The following TSHZ2 variants were observed in gnomAD, a reference collection of about 807,000 sequenced individuals.
The protein encoded by TSHZ2 is teashirt zinc finger homeobox 2.
In TSHZ2, 21 loss-of-function variants were observed where a neutral mutation model predicts 74.4. That is an observed-to-expected ratio of 0.28 (90% CI 0.20 to 0.41). The LOEUF (loss-of-function observed/expected upper bound fraction) is 0.41, where lower values mean the gene tolerates loss of function less well. Among genes scored for constraint, TSHZ2 ranks in the 10% least tolerant of loss-of-function variants. The pLI is 1.00. For synonymous variants in TSHZ2, 540 were observed against 515.3 expected, an observed-to-expected ratio of 1.05 and a Z score of -0.65; for missense variants, 1,244 against 1,293.5, an observed-to-expected ratio of 0.96 and a Z score of 0.59.
chr20:53,153,075 C>A (rs78995398), intron 1 of TSHZ2, among the ~76,000 whole-genome samples: 2 of 152,274 alleles, frequency 1.3e-5, no homozygotes, highest in Non-Finnish European at 2.9e-5. Context: ...CTCAGAATGC[C>A]TTTTCAAAAA....
At position 53,257,159 on chromosome 20, in the gene TSHZ2, T is replaced by C. The variant is rs546212650; in HGVS notation, c.*8+588T>C. 3.3e-5 allele frequency among the ~76,000 whole-genome samples: 5 copies of C among 152,376 alleles called. No individual in the cohort carries two copies. The East Asian group carries it at 9.6e-4, about 29-fold the overall frequency. Reference sequence around the variant, plus strand: ...ACCTTCCACCTCTTCCCTTTGGTTATTTTCTACATTAAGTGTCCTATGAAT... The same window carrying C: ...ACCTTCCACCTCTTCCCTTTGGTTACTTTCTACATTAAGTGTCCTATGAAT... On this transcript the variant is annotated intron_variant, in intron 2 of 2. Transcript: ENST00000371497.
intron 1 of TSHZ2, among the ~76,000 whole-genome samples, chr20:53,240,717 TA>T (rs1272168016): frequency 1.5e-4 from 20 of 134,996 alleles, no homozygotes; most frequent in South Asian, 9.9e-4. Flanking sequence ...AATAGATAGA[TA>T]GATGATAGAT....
intron 1 of TSHZ2, among the ~76,000 whole-genome samples, chr20:53,091,194 T>C (rs1241993794): frequency 6.6e-6 from 1 of 152,258 alleles, no homozygotes; most frequent in Non-Finnish European, 1.5e-5. Flanking sequence ...ATGTCAGTTG[T>C]GATAGAAAAT....
In TSHZ2 at chr20:52,992,173, G is replaced by A. The variant is rs146158786; in HGVS notation, c.40+18840G>A. 7.2e-4 allele frequency among the ~76,000 whole-genome samples: 110 copies of A among 152,232 alleles called. 1 individual carries two copies. The highest frequency in any genetic ancestry group is 2.4e-3 in the African/African-American group (101 of 41,536). ...TCCTCTCCATGCCACATGTTCTATC[G>A]TGTCAGGGATTCATCTTAGGAATTG... On this transcript the variant is annotated intron_variant, in intron 1 of 2. Coordinates refer to ENST00000371497, the MANE Select transcript of TSHZ2 (RefSeq NM_173485.6).
chr20:53,261,852 T>C lies in TSHZ2; in HGVS notation c.*8+5281T>C, dbSNP rs1033114034. ...ATATTTTTTATATGGATTTATGTCT[T>C]TAAAATACATTTGTGTAATTCTTCA... is the stretch of plus-strand genomic sequence containing the variant. On this transcript the variant is annotated intron_variant, in intron 2 of 2. Transcript: ENST00000371497. Among the ~76,000 whole-genome samples the C allele has an allele frequency of 4.2e-4, 64 of 152,248 alleles. 1 individual carries two copies. The highest frequency in any genetic ancestry group is 4.1e-3 in the Admixed American group (63 of 15,278).
At chr20:53,212,033 C>G (rs1259485248) in intron 1 of TSHZ2, among the ~76,000 whole-genome samples, 1 of 152,148 alleles carries the variant, frequency 6.6e-6, no homozygotes, top group African/African-American at 2.4e-5. Context: ...AAGTTTCAAT[C>G]ATATCGAAGT....
At position 52,973,034 on chromosome 20, in the gene TSHZ2, A is replaced by G. The variant is rs1418120157; in HGVS notation, c.-260A>G. 1 of 409,460 alleles carries G rather than the reference A, an allele frequency of 2.4e-6. No individual in the cohort carries two copies. Among genetic ancestry groups the G allele is most frequent in the East Asian group, 3.6e-5 (1 of 27,960 alleles). The allele number at this position is 409,460 out of a possible 1,614,324, so 25.4% of individuals were successfully genotyped here. ...AGAGGAAAAAAAATTCAAAATAAAC[A>G]AACAAACAAACAAGGCAGAACCAAC... On this transcript the variant is annotated 5_prime_UTR_variant, in exon 1 of 3. Transcript: ENST00000371497.
chr20:53,201,177 A>G (rs1016123), intron 1 of TSHZ2, among the ~76,000 whole-genome samples: 62,471 of 152,046 alleles, frequency 0.41, 15,540 homozygotes, highest in African/African-American at 0.71. Context: ...ACATTTGTAA[A>G]GGTTATTCAT....
At chr20:52,986,245 A>C (rs930124771) in intron 1 of TSHZ2, among the ~76,000 whole-genome samples, 11 of 151,720 alleles carry the variant, frequency 7.3e-5, no homozygotes, top group African/African-American at 1.9e-4. Flanking sequence ...CAGAAAAAAA[A>C]AAAATTAGCC....
intron 1 of TSHZ2, among the ~76,000 whole-genome samples, chr20:53,099,776 A>G (rs1024209045): frequency 6.6e-6 from 1 of 152,170 alleles, no homozygotes; most frequent in Non-Finnish European, 1.5e-5. Context: ...GTATGGGGGA[A>G]ACTGCCCCCA....
chr20:53,155,195 T>G (rs1411611236), intron 1 of TSHZ2, among the ~76,000 whole-genome samples: 1 of 151,922 alleles, frequency 6.6e-6, no homozygotes, highest in Non-Finnish European at 1.5e-5. Flanking sequence ...GGACCCTCCC[T>G]ATGAAGTATT....
intron 1 of TSHZ2, among the ~76,000 whole-genome samples, chr20:53,199,910 A>G (rs1402400126): frequency 3.9e-5 from 6 of 152,346 alleles, no homozygotes; most frequent in African/African-American, 7.2e-5. Flanking sequence ...TGTGAGGAGT[A>G]AATGTGTATA....
chr20:53,050,150 T>TACAC (rs1984400724), intron 1 of TSHZ2, among the ~76,000 whole-genome samples: 1 of 93,928 alleles, frequency 1.1e-5, no homozygotes, highest in East Asian at 5.2e-4. Flanking sequence ...TGTATATATA[T>TACAC]ATACACATAT....
At chr20:52,987,444 A>ACTCTTTCTCTCTCCTCTCTCTCT (rs576795933) in intron 1 of TSHZ2, among the ~76,000 whole-genome samples, 7 of 150,300 alleles carry the variant, frequency 4.7e-5, no homozygotes, top group African/African-American at 1.5e-4. Flanking sequence ...CTTTTTTTAT[A>ACTCTTTCTCTCTCCTCTCTCTCT]CTCTTTCTCT....
intron 1 of TSHZ2, among the ~76,000 whole-genome samples, chr20:53,142,325 G>A (rs530898360): frequency 2.5e-4 from 38 of 152,266 alleles, no homozygotes; most frequent in Admixed American, 1.9e-3. Flanking sequence ...CAGGGCTTCC[G>A]GTTCAGACCG....
At chr20:52,988,481 C>T (rs1452235312) in intron 1 of TSHZ2, among the ~76,000 whole-genome samples, 1 of 151,880 alleles carries the variant, frequency 6.6e-6, no homozygotes, top group African/African-American at 2.4e-5. Flanking sequence ...TGCTTAACAG[C>T]ACAGACTCAC....
At chr20:53,231,944 G>A (rs1276580794) in intron 1 of TSHZ2, among the ~76,000 whole-genome samples, 1 of 152,120 alleles carries the variant, frequency 6.6e-6, no homozygotes, top group East Asian at 1.9e-4. Flanking sequence ...GAGTGCAGTG[G>A]CACCATCATA....
chr20:53,452,560 C>A (rs1222590246), intron 2 of TSHZ2, among the ~76,000 whole-genome samples: 1 of 150,252 alleles, frequency 6.7e-6, no homozygotes, highest in African/African-American at 2.5e-5. Flanking sequence ...GATTGAGCCA[C>A]CGCACTCTAG....
At chr20:52,986,992 C>T (rs1324285975) in intron 1 of TSHZ2, among the ~76,000 whole-genome samples, 1 of 151,484 alleles carries the variant, frequency 6.6e-6, no homozygotes, top group Non-Finnish European at 1.5e-5. Flanking sequence ...GATGTGAGGA[C>T]ACTGCAATGC....
Sources: allele counts gnomAD v4.1 joint callset (sites outside exome capture counted in the v4.1 genomes callset), GRCh38; gene constraint gnomAD v4.1.1; transcripts MANE v1.5; gene names NCBI Gene and HGNC (gene_info 2026-07-23, HGNC 2026-07-21).